The following MID2 variants were observed in gnomAD, a reference collection of about 807,000 sequenced individuals.
MID2 encodes the protein midline 2.
A neutral mutation model predicts 46.1 loss-of-function variants in MID2; 13 were observed. The observed-to-expected ratio is 0.28, with a 90% CI of 0.18 to 0.45. MID2 has a LOEUF of 0.45. Ranked by LOEUF, MID2 falls within the 20% of genes least tolerant of loss-of-function variation. MID2 has a pLI of 1.00. For missense variants in MID2, 431 were observed against 575.4 expected (o/e 0.75, Z 2.57); for synonymous variants, 199 against 212.3 (o/e 0.94, Z 0.55).
intron 2 of MID2, among the ~76,000 whole-genome samples, chrX:107,841,711 C>A (rs1931351960): frequency 8.9e-6 from 1 of 112,432 alleles, no homozygotes; most frequent in African/African-American, 3.2e-5. Context: ...ATCTTTCCAC[C>A]TCTTCTTTTA....
chrX:107,905,449 T>C (rs1306971057), intron 4 of MID2, 29 bp from the exon 5 acceptor site: 1 of 1,158,299 alleles, frequency 8.6e-7, no homozygotes. Context: ...TGTTTTATCT[T>C]ATTTTTTTCT....
chrX:107,920,425 C>T (rs2147873276), intron 7 of MID2, among the ~76,000 whole-genome samples: 1 of 112,420 alleles, frequency 8.9e-6, no homozygotes, highest in Admixed American at 9.4e-5. Context: ...CTTCTGATTA[C>T]TTTATTATCT....
intron 2 of MID2, among the ~76,000 whole-genome samples, chrX:107,853,754 A>T (rs984264134): frequency 1.8e-5 from 2 of 111,430 alleles, no homozygotes; most frequent in Admixed American, 1.9e-4. Flanking sequence ...GAAGGACCCT[A>T]CTGATAAATA....
At chrX:107,911,344 C>T (rs1273407156) in intron 5 of MID2, among the ~76,000 whole-genome samples, 1 of 111,150 alleles carries the variant, frequency 9.0e-6, no homozygotes, top group Non-Finnish European at 1.9e-5. Flanking sequence ...CTTTTTTTCT[C>T]TAATTTTATC....
intron 5 of MID2, among the ~76,000 whole-genome samples, chrX:107,913,508 A>G (rs753817873): frequency 3.6e-4 from 40 of 112,477 alleles, no homozygotes; most frequent in South Asian, 1.5e-3. Context: ...ATATGTATCA[A>G]TTTCAATCCT....
chrX:107,888,564 G>A (rs1469135326), intron 3 of MID2, among the ~76,000 whole-genome samples: 1 of 112,021 alleles, frequency 8.9e-6, no homozygotes, highest in Admixed American at 9.5e-5. Context: ...AATAGGTGTG[G>A]TGTGGTGCTG....
chrX:107,832,104 A>G (rs184108871), intron 1 of MID2, among the ~76,000 whole-genome samples: 12 of 112,600 alleles, frequency 1.1e-4, no homozygotes, highest in Non-Finnish European at 1.5e-4. Context: ...ATTGAAAAGA[A>G]CATACATTAA....
At position 107,926,899 on chromosome X, in the gene MID2, T is replaced by C. The variant is rs999190329; in HGVS notation, c.2034T>C (p.Thr678=). Residue 678 remains threonine, a synonymous_variant, in exon 10 of 10, where the codon ACT becomes ACC. Coordinates refer to ENST00000262843, the MANE Select transcript of MID2 (RefSeq NM_012216.4). Reference sequence around the variant, plus strand: ...CAGCTAACTCTCTCCATCTTCATACTTTTGATGTGACCTTCATTCTTCCAG... The same window carrying C: ...CAGCTAACTCTCTCCATCTTCATACCTTTGATGTGACCTTCATTCTTCCAG... The part of the protein sequence containing the change: ...YDPANSLHLH[T]FDVTFILPVC... 1.7e-6 allele frequency: 2 copies of C among 1,209,658 alleles called. No individual in the cohort carries two copies. Among genetic ancestry groups the C allele is most frequent in the African/African-American group, 3.5e-5 (2 of 57,194 alleles).
rs1193742460 is a variant in MID2 at position 107,826,041 on chromosome X, G to T, written c.-386G>T. ...CCCCAGCCCCGTTTGCCCCCACTCC[G>T]CCTCCCTTTTGGAAGGGATTGCCTT... On this transcript the variant is annotated 5_prime_UTR_variant, in exon 1 of 10. Coordinates refer to ENST00000262843, the MANE Select transcript of MID2 (RefSeq NM_012216.4). 2 of 292,099 alleles carry T rather than the reference G, an allele frequency of 6.8e-6. No homozygotes were observed. Among genetic ancestry groups the T allele is most frequent in the East Asian group, 9.7e-5 (2 of 20,677 alleles). 24.1% of individuals were successfully genotyped at this position (292,099 alleles called of 1,213,427 possible).
chrX:107,864,304 T>C (rs1345426717), intron 3 of MID2, among the ~76,000 whole-genome samples: 1 of 112,217 alleles, frequency 8.9e-6, no homozygotes, highest in Non-Finnish European at 1.9e-5. Flanking sequence ...TTGGCCTACC[T>C]TTAATAGCCC....
chrX:107,921,975 G>A (rs1469365334), intron 7 of MID2, among the ~76,000 whole-genome samples: 3 of 111,478 alleles, frequency 2.7e-5, no homozygotes, highest in African/African-American at 9.8e-5. Context: ...AGACCTGAGT[G>A]CTAGATATGC....
intron 2 of MID2, among the ~76,000 whole-genome samples, chrX:107,845,513 A>T (rs1226891085): frequency 1.1e-5 from 1 of 89,638 alleles, no homozygotes; most frequent in African/African-American, 6.3e-5. Context: ...ACACACACAC[A>T]CACACACACA....
rs73533479 is a variant in MID2, at chrX:107,928,414, T to A, written c.*1341T>A. On this transcript the variant is annotated 3_prime_UTR_variant, in exon 10 of 10. Transcript: ENST00000262843. ...CCTTGTAGTCTATGATTTTTTTTTT[T>A]AAATTTCCATCGAAGGGATTGGGGA... Among the ~76,000 whole-genome samples the A allele has an allele frequency of 0.018, 1,972 of 110,994 alleles. 44 individuals are homozygous for A. Among genetic ancestry groups the A allele is most frequent in the African/African-American group, 0.06 (1,823 of 30,493 alleles).
rs1238341055 is a variant in MID2 at position 107,926,722 on chromosome X, C to T, written c.1857C>T (p.Gly619=). ...CAGCTCCAAAGAATGAATGGATTGG[C>T]AAGAATGCCTCCTCATGGGTCTTCT... is the stretch of plus-strand genomic sequence containing the variant. The part of the protein sequence containing the change: ...YKSAPKNEWI[G]KNASSWVFSR... Residue 619 remains glycine, a synonymous_variant, in exon 10 of 10, where the codon GGC becomes GGT. Transcript: ENST00000262843. The T allele has an allele frequency of 8.3e-7, 1 of 1,209,041 alleles. No homozygotes were observed. The highest frequency in any genetic ancestry group is 1.1e-6 in the Non-Finnish European group (1 of 894,448).
intron 3 of MID2, among the ~76,000 whole-genome samples, chrX:107,860,606 C>T (rs909370299): frequency 2.7e-5 from 3 of 112,208 alleles, no homozygotes; most frequent in Non-Finnish European, 3.8e-5. Context: ...AATAGAAAGA[C>T]GGTGTTGCTT....
intron 5 of MID2, among the ~76,000 whole-genome samples, chrX:107,911,211 A>G (rs1932893186): frequency 9.1e-6 from 1 of 110,492 alleles, no homozygotes; most frequent in African/African-American, 3.3e-5. Context: ...TTTCTAATCT[A>G]AAGACTGGTG....
intron 3 of MID2, among the ~76,000 whole-genome samples, chrX:107,866,518 C>G (rs1295412303): frequency 1.9e-5 from 2 of 106,674 alleles, no homozygotes; most frequent in African/African-American, 6.9e-5. Flanking sequence ...CCATGCTAAC[C>G]CAGTGACACA....
intron 7 of MID2, among the ~76,000 whole-genome samples, chrX:107,920,517 A>G (rs758453787): frequency 8.9e-6 from 1 of 112,000 alleles, no homozygotes; most frequent in African/African-American, 3.2e-5. Flanking sequence ...ATAACATACT[A>G]CCAGAAAGAC....
intron 5 of MID2, 41 bp from the exon 6 acceptor site, chrX:107,915,961 A>G (rs1474236885): frequency 4.3e-6 from 5 of 1,154,309 alleles, no homozygotes; most frequent in Non-Finnish European, 5.7e-6. Context: ...GAAAGTTGCA[A>G]CCTATTTTGA....
Sources: allele counts gnomAD v4.1 joint callset (sites outside exome capture counted in the v4.1 genomes callset), GRCh38; gene constraint gnomAD v4.1.1; transcripts MANE v1.5; gene names NCBI Gene and HGNC (gene_info 2026-07-23, HGNC 2026-07-21).